Variants in GALNT9 observed in about 807,000 individuals in gnomAD.
GALNT9 encodes polypeptide N-acetylgalactosaminyltransferase 9.
Under a neutral mutation model 63.1 loss-of-function variants are expected in GALNT9, and 47 were observed. The observed-to-expected ratio is 0.75, with a 90% CI of 0.59 to 0.95. The LOEUF (loss-of-function observed/expected upper bound fraction) is 0.95, where lower values mean the gene tolerates loss of function less well. Ranked by LOEUF, GALNT9 falls within the 40% of genes least tolerant of loss-of-function variation. The probability of loss-of-function intolerance (pLI) is 0.00; values close to 1 mark genes in which losing one functional copy is unlikely to be tolerated. For missense variants in GALNT9, 829 were observed against 874.8 expected (o/e 0.95, Z 0.66); for synonymous variants, 396 against 365.7 (o/e 1.08, Z -0.94).
intron 1 of GALNT9, among the ~76,000 whole-genome samples, chr12:132,290,392 C>T (rs1416578854): frequency 3.9e-5 from 6 of 152,152 alleles, no homozygotes; most frequent in Non-Finnish European, 5.9e-5. Context: ...CGAGGCCGTC[C>T]CAACGCGCTG....
intron 6 of GALNT9, among the ~76,000 whole-genome samples, chr12:132,241,977 ACC>A (rs1393851080): frequency 6.8e-5 from 2 of 29,490 alleles, no homozygotes; most frequent in South Asian, 1.8e-3. Context: ...CACACAACAC[ACC>A]CCCTTCCCGG....
intron 6 of GALNT9, chr12:132,240,387 G>A: frequency 1.1e-5 from 4 of 352,248 alleles, no homozygotes; most frequent in South Asian, 8.5e-5. Context: ...CCAGGTGGCT[G>A]GTGAAAGGGA....
chr12:132,271,860 G>A (rs1384728423), intron 2 of GALNT9, among the ~76,000 whole-genome samples: 4 of 152,158 alleles, frequency 2.6e-5, no homozygotes, highest in East Asian at 1.9e-4. Flanking sequence ...TCCCCCGTGC[G>A]CCCTTCAGTG....
intron 6 of GALNT9, among the ~76,000 whole-genome samples, chr12:132,222,914 A>G (rs1419415049): frequency 8.8e-6 from 1 of 113,754 alleles, no homozygotes. Context: ...CACCCCACAT[A>G]CATCCCACAC....
intron 6 of GALNT9, among the ~76,000 whole-genome samples, chr12:132,227,898 C>T (rs2135524587): frequency 6.6e-6 from 1 of 152,258 alleles, no homozygotes; most frequent in African/African-American, 2.4e-5. Context: ...CTCCCCGTCC[C>T]CACACCTTCT....
chr12:132,248,672 G>A (rs1349237764), intron 5 of GALNT9, among the ~76,000 whole-genome samples: 5 of 152,320 alleles, frequency 3.3e-5, no homozygotes, highest in African/African-American at 1.2e-4. Context: ...GACAGATTCT[G>A]AACGACGCAG....
chr12:132,249,282 A>G (rs1878823333), intron 5 of GALNT9, among the ~76,000 whole-genome samples: 1 of 152,226 alleles, frequency 6.6e-6, no homozygotes, highest in South Asian at 2.1e-4. Flanking sequence ...GCCGCCCTGC[A>G]GGCCTTGAGC....
At position 132,196,766 on chromosome 12, in the gene GALNT9, C is replaced by T; in HGVS notation, c.*341G>A. On this transcript the variant is annotated 3_prime_UTR_variant, in exon 11 of 11. Transcript: ENST00000328957. Reference sequence around the variant, plus strand: ...CCTGGTGCATGGTCCGGGGCTTGGCCTCCCTATGGGGCGTGGGGGGCTGTG... The same window carrying T: ...CCTGGTGCATGGTCCGGGGCTTGGCTTCCCTATGGGGCGTGGGGGGCTGTG... 9.4e-7 allele frequency: 1 copy of T among 1,069,142 alleles called. No individual in the cohort carries two copies. The highest frequency in any genetic ancestry group is 1.1e-6 in the Non-Finnish European group (1 of 882,326). The allele number at this position is 1,069,142 out of a possible 1,614,324, so 66.2% of individuals were successfully genotyped here.
intron 1 of GALNT9, among the ~76,000 whole-genome samples, chr12:132,321,797 G>A (rs575457004): frequency 4.7e-4 from 71 of 152,020 alleles, no homozygotes; most frequent in African/African-American, 1.7e-3. Flanking sequence ...TCACACACCT[G>A]TCCCCTCACA....
At position 132,201,026 on chromosome 12, in the gene GALNT9, G is replaced by A. The variant is rs1380856657; in HGVS notation, c.1401+98C>T. 4 of 1,200,456 alleles carry A rather than the reference G, an allele frequency of 3.3e-6. No individual in the cohort carries two copies. In the African/African-American group the frequency reaches 4.5e-5, roughly 13 times the overall value. The allele number at this position is 1,200,456 out of a possible 1,614,324, so 74.4% of individuals were successfully genotyped here. On this transcript the variant is annotated intron_variant, in intron 8 of 10. Coordinates refer to ENST00000328957, the MANE Select transcript of GALNT9 (RefSeq NM_001122636.2). The stretch of plus-strand genomic sequence containing the variant: ...TGGGGGAGGCGCTACCTCTCCGTGT[G>A]CATGTGGATGTGCCTGCATCACCCT...
intron 6 of GALNT9, among the ~76,000 whole-genome samples, chr12:132,206,817 G>A (rs10902512): frequency 0.48 from 73,503 of 151,982 alleles, 18,588 homozygotes; most frequent in Non-Finnish European, 0.56. Flanking sequence ...AGTGCGGCAC[G>A]CCATACCCCG....
intron 2 of GALNT9, among the ~76,000 whole-genome samples, chr12:132,269,088 G>C (rs1465809523): frequency 3.9e-5 from 6 of 152,228 alleles, no homozygotes; most frequent in African/African-American, 1.4e-4. Flanking sequence ...AGAGGGAGGA[G>C]GCCAAGGCCT....
chr12:132,300,643 C>T (rs1256432434), intron 1 of GALNT9, among the ~76,000 whole-genome samples: 3 of 150,158 alleles, frequency 2.0e-5, no homozygotes, highest in Admixed American at 6.6e-5. Flanking sequence ...ACTCCCACCA[C>T]ACCTAACCCA....
intron 6 of GALNT9, among the ~76,000 whole-genome samples, chr12:132,224,681 C>CGCTG (rs1877577765): frequency 1.2e-5 from 1 of 85,820 alleles, no homozygotes; most frequent in Non-Finnish European, 2.5e-5. Context: ...ACACCCCACA[C>CGCTG]TACACACCCC....
At chr12:132,288,192 C>T (rs1555242374) in intron 1 of GALNT9, among the ~76,000 whole-genome samples, 1 of 152,192 alleles carries the variant, frequency 6.6e-6, no homozygotes, top group African/African-American at 2.4e-5. Flanking sequence ...AGATTCCAGT[C>T]TGTGACCCTC....
chr12:132,222,600 A>G (rs1486943467), intron 6 of GALNT9, among the ~76,000 whole-genome samples: 1 of 152,000 alleles, frequency 6.6e-6, no homozygotes, highest in Non-Finnish European at 1.5e-5. Flanking sequence ...AAAGGAAGAA[A>G]GATGCAGCCG....
In GALNT9 at chr12:132,290,755, TCCACAGCACCCACAA is replaced by T. The variant is rs1566014901; in HGVS notation, c.239-4340_239-4326del. ...AGCACCCACATCCACAGCACCCACA[TCCACAGCACCCACAA>T]CCACAGCACCCACGTCCACAGCACC... On this transcript the variant is annotated intron_variant, in intron 1 of 10. Transcript: ENST00000328957. 7.4e-4 allele frequency among the ~76,000 whole-genome samples: 51 copies of T among 68,956 alleles called. 2 individuals carry two copies. The highest frequency in any genetic ancestry group is 4.6e-3 in the South Asian group (8 of 1,730). The allele number at this position is 68,956 out of a possible 152,430, so 45.2% of individuals were successfully genotyped here.
At chr12:132,287,059 G>GCCCCCCCCCCCCCCC (rs57471643) in intron 1 of GALNT9, among the ~76,000 whole-genome samples, 3 of 80,520 alleles carry the variant, frequency 3.7e-5, no homozygotes, top group African/African-American at 8.1e-5. Context: ...CTGAGTGAGC[G>GCCCCCCCCCCCCCCC]CCCCCCCCCC....
rs1875575805 is a variant in GALNT9, at chr12:132,197,244, T to C, written c.1675A>G (p.Ile559Val). 6.2e-7 allele frequency: 1 copy of C among 1,611,768 alleles called. No homozygotes were observed. The highest frequency in any genetic ancestry group is 2.2e-5 in the East Asian group (1 of 44,842). ...CAGCGGCCCGTGGCCCGGCTCACAA[T>C]GGGGCCACTCTGTGGGGACAGGCAC... ...RLWDFTQSGP[I>V]VSRATGRCLE... Residue 559 changes from isoleucine (I) to valine (V), a missense_variant, in exon 11 of 11, where the codon ATT (isoleucine) becomes GTT (valine). Ile to Val is a conservative substitution (Grantham distance 29). Transcript: ENST00000328957.
Sources: allele counts gnomAD v4.1 joint callset (sites outside exome capture counted in the v4.1 genomes callset), GRCh38; gene constraint gnomAD v4.1.1; transcripts MANE v1.5; gene names NCBI Gene and HGNC (gene_info 2026-07-23, HGNC 2026-07-21).